The following CRYL1 variants were observed in gnomAD, a reference collection of about 807,000 sequenced individuals.
CRYL1 encodes the protein crystallin lambda 1, also known as lambda-crystallin homolog.
In CRYL1, 29 loss-of-function variants were observed where a neutral mutation model predicts 36.6. That is an observed-to-expected ratio of 0.79 (90% CI 0.59 to 1.08). The LOEUF is 1.08. Among genes scored for constraint, CRYL1 ranks in the 50% least tolerant of loss-of-function variants. The pLI is 0.00. For synonymous variants in CRYL1, 152 were observed against 151.5 expected (o/e 1.00, Z -0.02); for missense variants, 411 against 407.9 (o/e 1.01, Z -0.06).
At chr13:20,492,382 T>G (rs1002197470) in intron 2 of CRYL1, among the ~76,000 whole-genome samples, 1 of 152,200 alleles carries the variant, frequency 6.6e-6, no homozygotes, top group Non-Finnish European at 1.5e-5. Flanking sequence ...TCACAAACAG[T>G]GGCTTAAACA....
intron 3 of CRYL1, among the ~76,000 whole-genome samples, chr13:20,485,879 T>G (rs1263547772): frequency 6.6e-6 from 1 of 151,906 alleles, no homozygotes; most frequent in African/African-American, 2.4e-5. Context: ...TCTTTATTTT[T>G]TTTATAATTA....
chr13:20,429,415 G>A (rs1414677962), intron 5 of CRYL1, among the ~76,000 whole-genome samples: 3 of 152,182 alleles, frequency 2.0e-5, no homozygotes, highest in Admixed American at 6.5e-5. Context: ...GCAACTATAC[G>A]GATTTGCAAG....
intron 2 of CRYL1, among the ~76,000 whole-genome samples, chr13:20,492,714 C>T (rs2033534384): frequency 1.3e-5 from 2 of 152,214 alleles, no homozygotes; most frequent in South Asian, 2.1e-4. Context: ...ACATCTGCAA[C>T]GTCCCATTTG....
intron 5 of CRYL1, chr13:20,430,681 G>A (rs2032039137): frequency 1.0e-6 from 1 of 985,194 alleles, no homozygotes; most frequent in Admixed American, 6.2e-5. Flanking sequence ...CCTTGAGTGG[G>A]CTCACACCTT....
At chr13:20,479,799 C>A (rs952423669) in intron 3 of CRYL1, among the ~76,000 whole-genome samples, 1 of 152,078 alleles carries the variant, frequency 6.6e-6, no homozygotes, top group Admixed American at 6.6e-5. Flanking sequence ...GGGTTTCTGT[C>A]CTAAAGAACC....
intron 2 of CRYL1, among the ~76,000 whole-genome samples, chr13:20,502,750 TAA>T (rs2033725406): frequency 6.6e-6 from 1 of 152,168 alleles, no homozygotes; most frequent in South Asian, 2.1e-4. Flanking sequence ...AGGGCCTGCT[TAA>T]GTGTCAAGGC....
At chr13:20,478,525 G>C (rs140507361) in intron 3 of CRYL1, among the ~76,000 whole-genome samples, 9 of 152,296 alleles carry the variant, frequency 5.9e-5, no homozygotes, top group Admixed American at 5.9e-4. Flanking sequence ...ACCCAGGCTG[G>C]AGTACAGTGG....
intron 3 of CRYL1, among the ~76,000 whole-genome samples, chr13:20,470,238 C>T (rs1028622297): frequency 3.9e-5 from 6 of 152,330 alleles, no homozygotes; most frequent in East Asian, 1.9e-4. Context: ...CCCACTGCCG[C>T]GACTCAGGCC....
At chr13:20,422,086 C>A (rs9506485) in intron 5 of CRYL1, among the ~76,000 whole-genome samples, 1 of 152,044 alleles carries the variant, frequency 6.6e-6, no homozygotes, top group African/African-American at 2.4e-5. Flanking sequence ...AGGCCAGGCG[C>A]GGTGGCTCAC....
At chr13:20,466,161 T>G (rs560432033) in intron 3 of CRYL1, among the ~76,000 whole-genome samples, 7 of 152,292 alleles carry the variant, frequency 4.6e-5, no homozygotes, top group African/African-American at 1.4e-4. Flanking sequence ...CCTCAGGTAT[T>G]CCTTCATAGC....
rs992358555 is a variant in CRYL1, at chr13:20,481,413, T to C, written c.276+7957A>G. Among the ~76,000 whole-genome samples the C allele has an allele frequency of 6.6e-6, 1 of 151,956 alleles. No individual in the cohort carries two copies. The highest frequency in any genetic ancestry group is 1.5e-5 in the Non-Finnish European group (1 of 68,000). Reference sequence around the variant, plus strand: ...ACTATAGGGACAAAGAACAGATCAGTGGTGGGCAAGGCCTGGGGAACGGTG... The same window carrying C: ...ACTATAGGGACAAAGAACAGATCAGCGGTGGGCAAGGCCTGGGGAACGGTG... On this transcript the variant is annotated intron_variant, in intron 3 of 7. Coordinates refer to ENST00000298248, the MANE Select transcript of CRYL1 (RefSeq NM_015974.3). The surrounding 1 kb of genome is among the most constrained non-coding windows in gnomAD (Gnocchi z 4.1).
At chr13:20,502,104 G>T (rs1203650626) in intron 2 of CRYL1, among the ~76,000 whole-genome samples, 4 of 152,134 alleles carry the variant, frequency 2.6e-5, no homozygotes, top group Non-Finnish European at 5.9e-5. Context: ...AATCTGGCAT[G>T]CCTATCTCCA....
At chr13:20,414,198 TAA>T (rs1403658295) in intron 5 of CRYL1, among the ~76,000 whole-genome samples, 35 of 49,680 alleles carry the variant, frequency 7.0e-4, no homozygotes, top group Non-Finnish European at 1.2e-3. Context: ...AAATAAAAAT[TAA>T]AAAAATACAC....
At chr13:20,521,401 C>T (rs1047150338) in intron 1 of CRYL1, among the ~76,000 whole-genome samples, 2 of 152,142 alleles carry the variant, frequency 1.3e-5, no homozygotes, top group Admixed American at 1.3e-4. Context: ...CTAGAAAGTT[C>T]CCTGGCTTGG....
At chr13:20,439,502 C>G in intron 4 of CRYL1, 91 bp downstream of exon 4, 3 of 963,262 alleles carry the variant, frequency 3.1e-6, no homozygotes, top group East Asian at 3.3e-5. Flanking sequence ...AGTTATTGAC[C>G]CCCCTCCCCC....
intron 2 of CRYL1, among the ~76,000 whole-genome samples, chr13:20,496,437 G>A (rs1348038038): frequency 6.6e-6 from 1 of 152,114 alleles, no homozygotes; most frequent in Non-Finnish European, 1.5e-5. Context: ...GGTATAACAA[G>A]CTCATAGATT....
chr13:20,448,156 A>C (rs972536949), intron 3 of CRYL1, among the ~76,000 whole-genome samples: 10 of 152,236 alleles, frequency 6.6e-5, no homozygotes, highest in Admixed American at 6.5e-4. Context: ...ACAGAGATGA[A>C]GAATGTCTTT....
At chr13:20,519,625 A>AGGGG (rs2034061346) in intron 1 of CRYL1, among the ~76,000 whole-genome samples, 2 of 90,054 alleles carry the variant, frequency 2.2e-5, no homozygotes, top group Non-Finnish European at 5.8e-5. Flanking sequence ...GAGGGGAGGG[A>AGGGG]AGGGATACAT....
At chr13:20,423,493 T>G (rs1221179031) in intron 5 of CRYL1, among the ~76,000 whole-genome samples, 1 of 152,236 alleles carries the variant, frequency 6.6e-6, no homozygotes, top group African/African-American at 2.4e-5. Flanking sequence ...TGTTGTCGTG[T>G]GCTTTTTCTG....
Sources: gnomAD v4.1 joint callset for allele counts (sites outside exome capture counted in the v4.1 genomes callset) on GRCh38, gnomAD v4.1.1 for gene constraint, Gnocchi (gnomAD v3.1) non-coding constraint, MANE v1.5 for transcripts, NCBI Gene and HGNC (gene_info 2026-07-23, HGNC 2026-07-21) for gene names.